Variants in DAB1 observed in about 807,000 individuals in gnomAD.
DAB1 encodes DAB adaptor protein 1, also known as disabled homolog 1.
Under a neutral mutation model 64.6 loss-of-function variants are expected in DAB1, and 15 were observed. The ratio of observed to expected loss-of-function variants is 0.23; its 90% CI spans 0.16 to 0.36. DAB1 has a LOEUF of 0.36. Among genes scored for constraint, DAB1 ranks in the 10% least tolerant of loss-of-function variants. DAB1 has a pLI of 1.00. For synonymous variants in DAB1, 235 were observed against 251.9 expected (o/e 0.93, Z 0.64); for missense variants, 596 against 706.7 (o/e 0.84, Z 1.78).
chr1:57,776,533 T>C (rs887550153), intron 6 of DAB1, among the ~76,000 whole-genome samples: 4 of 151,828 alleles, frequency 2.6e-5, no homozygotes, highest in Non-Finnish European at 4.4e-5. Context: ...TTTCATCTTT[T>C]AGATTAAGTA....
At chr1:58,225,131 C>A (rs1055187778) in intron 4 of DAB1, among the ~76,000 whole-genome samples, 1 of 151,596 alleles carries the variant, frequency 6.6e-6, no homozygotes, top group Admixed American at 6.6e-5. Context: ...AACAAACAAC[C>A]CCATCAAAAA....
chr1:58,529,652 AC>A (rs1177229645), intron 1 of DAB1, among the ~76,000 whole-genome samples: 2 of 152,162 alleles, frequency 1.3e-5, no homozygotes, highest in African/African-American at 2.4e-5. Flanking sequence ...CCGCATTAAA[AC>A]CCAAATACAG....
chr1:57,255,486 AC>A (rs1214739907), intron 2 of DAB1, among the ~76,000 whole-genome samples: 1 of 151,998 alleles, frequency 6.6e-6, no homozygotes, highest in Non-Finnish European at 1.5e-5. Flanking sequence ...TCATGGCAAA[AC>A]CCTGTACCAA....
intron 4 of DAB1, among the ~76,000 whole-genome samples, chr1:58,228,117 C>T (rs1659586476): frequency 6.6e-6 from 1 of 152,146 alleles, no homozygotes; most frequent in Middle Eastern, 3.2e-3. Flanking sequence ...AAAAAGACCA[C>T]ATGGAGTAAG....
At chr1:57,224,679 T>A (rs1270587527) in intron 2 of DAB1, among the ~76,000 whole-genome samples, 14 of 152,228 alleles carry the variant, frequency 9.2e-5, no homozygotes, top group Non-Finnish European at 2.9e-5. Flanking sequence ...TGGCATAATT[T>A]TAAGAAATTT....
chr1:58,127,280 T>C (rs1346336474), intron 5 of DAB1, among the ~76,000 whole-genome samples: 1 of 152,214 alleles, frequency 6.6e-6, no homozygotes, highest in Non-Finnish European at 1.5e-5. Context: ...TCTGTTCATG[T>C]TCCTCGCCCA....
chr1:58,411,309 T>C (rs560395689), intron 3 of DAB1, among the ~76,000 whole-genome samples: 1 of 152,288 alleles, frequency 6.6e-6, no homozygotes, highest in African/African-American at 2.4e-5. Flanking sequence ...CATTATCTAG[T>C]CGCTGCAACA....
chr1:57,746,085 T>C (rs111901481), intron 6 of DAB1, among the ~76,000 whole-genome samples: 34 of 152,192 alleles, frequency 2.2e-4, no homozygotes, highest in Non-Finnish European at 3.8e-4. Context: ...CTTTCCCCAA[T>C]TGATGAACAT....
At chr1:57,375,850 T>C (rs960628170) in intron 1 of DAB1, among the ~76,000 whole-genome samples, 1 of 152,260 alleles carries the variant, frequency 6.6e-6, no homozygotes, top group Non-Finnish European at 1.5e-5. Context: ...AAAGAGCTGT[T>C]TGACTGTTTA....
chr1:57,145,243 A>G (rs1199069612), intron 3 of DAB1, 47 bp downstream of exon 3: 41 of 1,586,760 alleles, frequency 2.6e-5, no homozygotes, highest in Non-Finnish European at 3.5e-5. Flanking sequence ...TCTTTTCCTC[A>G]TTCACATTAA....
chr1:57,620,283 G>A (rs1558547969), intron 7 of DAB1, among the ~76,000 whole-genome samples: 1 of 152,110 alleles, frequency 6.6e-6, no homozygotes, highest in Non-Finnish European at 1.5e-5. Context: ...GAGTTTGGAT[G>A]TCCTAACCTA....
chr1:57,791,713 C>G (rs1404359815), intron 6 of DAB1, among the ~76,000 whole-genome samples: 2 of 152,164 alleles, frequency 1.3e-5, no homozygotes, highest in East Asian at 3.9e-4. Flanking sequence ...AACAGCAAGA[C>G]AGCTCATTGT....
intron 1 of DAB1, among the ~76,000 whole-genome samples, chr1:57,313,749 GC>G (rs1674941404): frequency 6.6e-6 from 1 of 152,142 alleles, no homozygotes; most frequent in African/African-American, 2.4e-5. Context: ...CAATGTTTAT[GC>G]CCCCTCTTCC....
chr1:57,474,194 T>A (rs1643904572), intron 7 of DAB1, among the ~76,000 whole-genome samples: 1 of 152,212 alleles, frequency 6.6e-6, no homozygotes, highest in Non-Finnish European at 1.5e-5. Context: ...TTGTACTTTT[T>A]AAATTTATAA....
At chr1:57,383,470 G>A (rs1046261124) in intron 1 of DAB1, among the ~76,000 whole-genome samples, 2 of 152,128 alleles carry the variant, frequency 1.3e-5, no homozygotes, top group Admixed American at 6.6e-5. Flanking sequence ...GTTTTCATGG[G>A]TTCACTGGCA....
chr1:57,850,664 G>T (rs1653482263), intron 1 of DAB1, among the ~76,000 whole-genome samples: 1 of 152,166 alleles, frequency 6.6e-6, no homozygotes, highest in African/African-American at 2.4e-5. Context: ...GCAAGTGCCG[G>T]GCTGGACCCC....
chr1:58,436,742 C>T (rs1222683440), intron 3 of DAB1, among the ~76,000 whole-genome samples: 1 of 152,206 alleles, frequency 6.6e-6, no homozygotes, highest in African/African-American at 2.4e-5. Context: ...AAAGCTACTC[C>T]TCTAATATGG....
intron 1 of DAB1, among the ~76,000 whole-genome samples, chr1:57,391,507 A>C (rs1682350250): frequency 6.6e-6 from 1 of 152,164 alleles, no homozygotes; most frequent in South Asian, 2.1e-4. Context: ...CAACTAATTA[A>C]TGCTTCAATA....
intron 7 of DAB1, among the ~76,000 whole-genome samples, chr1:57,641,454 G>A (rs962952107): frequency 1.3e-4 from 16 of 124,696 alleles, no homozygotes; most frequent in Admixed American, 4.5e-4. Flanking sequence ...TATAATCTCC[G>A]CTCACTGCAA....
Sources: allele counts gnomAD v4.1 joint callset (sites outside exome capture counted in the v4.1 genomes callset), GRCh38; gene constraint gnomAD v4.1.1; transcripts MANE v1.5; gene names NCBI Gene and HGNC (gene_info 2026-07-23, HGNC 2026-07-21).